SRGAP1: variants seen among roughly 807,000 people sequenced by gnomAD.
SRGAP1 encodes the protein SLIT-ROBO Rho GTPase-activating protein 1.
In SRGAP1, 43 loss-of-function variants were observed where a neutral mutation model predicts 121.9. The ratio of observed to expected loss-of-function variants is 0.35; its 90% CI spans 0.28 to 0.46. SRGAP1 has a LOEUF of 0.46. Ranked by LOEUF, SRGAP1 falls within the 20% of genes least tolerant of loss-of-function variation. SRGAP1 has a pLI of 1.00. For missense variants in SRGAP1, 1,102 were observed against 1,350.9 expected (o/e 0.82, Z 2.89); for synonymous variants, 447 against 485.4 (o/e 0.92, Z 1.04).
At chr12:63,958,552 A>G (rs553395678) in intron 1 of SRGAP1, among the ~76,000 whole-genome samples, 1 of 152,236 alleles carries the variant, frequency 6.6e-6, no homozygotes, top group Non-Finnish European at 1.5e-5. Context: ...AAGGTGAAGT[A>G]GAGCACAGAG....
intron 15 of SRGAP1, among the ~76,000 whole-genome samples, chr12:64,107,428 T>A (rs913002969): frequency 2.0e-5 from 3 of 152,216 alleles, no homozygotes; most frequent in Non-Finnish European, 2.9e-5. Flanking sequence ...AGTATTTTGA[T>A]AGTCTAAGTT....
intron 8 of SRGAP1, among the ~76,000 whole-genome samples, chr12:64,067,632 G>A (rs1170395335): frequency 6.6e-6 from 1 of 151,990 alleles, no homozygotes; most frequent in African/African-American, 2.4e-5. Flanking sequence ...TTAGATTTTC[G>A]ATAATCAGTA....
At chr12:64,024,476 A>T (rs2034612297) in intron 4 of SRGAP1, among the ~76,000 whole-genome samples, 1 of 152,098 alleles carries the variant, frequency 6.6e-6, no homozygotes, top group Admixed American at 6.5e-5. Context: ...AACAATTAGG[A>T]TATGTTCATT....
chr12:64,086,758 C>A (rs1297110306), intron 10 of SRGAP1, among the ~76,000 whole-genome samples: 1 of 147,832 alleles, frequency 6.8e-6, no homozygotes, highest in Non-Finnish European at 1.5e-5. Context: ...CCTCAAATTG[C>A]CAAGTGAAAC....
At chr12:63,989,597 G>A (rs180806968) in intron 2 of SRGAP1, among the ~76,000 whole-genome samples, 56 of 152,326 alleles carry the variant, frequency 3.7e-4, no homozygotes, top group African/African-American at 1.2e-3. Flanking sequence ...TCAATGGAGC[G>A]TTTAAAGCTG....
At chr12:63,984,265 A>T (rs934352432) in intron 2 of SRGAP1, 123 bp downstream of exon 2, 5 of 448,260 alleles carry the variant, frequency 1.1e-5, no homozygotes, top group Non-Finnish European at 1.9e-5. Flanking sequence ...ATTCTCATAA[A>T]TAAAAGCAGC....
At chr12:64,029,092 G>A (rs764537797) in intron 4 of SRGAP1, among the ~76,000 whole-genome samples, 3 of 152,178 alleles carry the variant, frequency 2.0e-5, no homozygotes, top group Non-Finnish European at 4.4e-5. Context: ...CCTGGGATGA[G>A]CCATTAGAGC....
intron 18 of SRGAP1, 52 bp downstream of exon 18, chr12:64,115,945 A>G (rs748383583): frequency 6.7e-7 from 1 of 1,490,670 alleles, no homozygotes; most frequent in South Asian, 1.2e-5. Flanking sequence ...TCCCTATTGT[A>G]AACAATTGCT....
intron 9 of SRGAP1, 129 bp from the exon 10 acceptor site, chr12:64,080,157 C>T: frequency 4.6e-6 from 3 of 648,332 alleles, no homozygotes; most frequent in South Asian, 2.0e-5. Flanking sequence ...GCAGGAGAAT[C>T]GCTTGAACCC....
chr12:63,861,129 A>T (rs1395354447), intron 1 of SRGAP1, among the ~76,000 whole-genome samples: 1 of 150,596 alleles, frequency 6.6e-6, no homozygotes, highest in Non-Finnish European at 1.5e-5. Context: ...ATATAAAAAT[A>T]AAAGGTTGTA....
Position 64,080,479 on chromosome 12 carries a change from A to T in SRGAP1, c.1408+109A>T, listed in dbSNP as rs766095143. 7 of 960,218 alleles carry T rather than the reference A, an allele frequency of 7.3e-6. No individual in the cohort carries two copies. In the Admixed American group the frequency reaches 1.4e-4, roughly 19 times the overall value. 59.5% of individuals were successfully genotyped at this position (960,218 alleles called of 1,614,324 possible). Reference sequence around the variant, plus strand: ...ATTTGTGCTTTAAGAAGCAGAGGACACTCTGTGTTTAGATTTGGTTTTGTT... The same window carrying T: ...ATTTGTGCTTTAAGAAGCAGAGGACTCTCTGTGTTTAGATTTGGTTTTGTT... On this transcript the variant is annotated intron_variant, in intron 10 of 21. Coordinates refer to ENST00000355086, the MANE Select transcript of SRGAP1 (RefSeq NM_020762.4).
chr12:64,115,580 T>C (rs777778135), intron 17 of SRGAP1, among the ~76,000 whole-genome samples: 3 of 152,040 alleles, frequency 2.0e-5, no homozygotes, highest in Non-Finnish European at 2.9e-5. Flanking sequence ...GACAAAATAA[T>C]GAGACCCTCA....
At chr12:63,913,454 C>CATATATATATAT (rs570506869) in intron 1 of SRGAP1, among the ~76,000 whole-genome samples, 7 of 124,096 alleles carry the variant, frequency 5.6e-5, no homozygotes, top group East Asian at 2.6e-4. Flanking sequence ...ACTGTGTCCA[C>CATATATATATAT]ATATATATAT....
At chr12:63,901,553 G>A (rs751327653) in intron 1 of SRGAP1, among the ~76,000 whole-genome samples, 9 of 152,156 alleles carry the variant, frequency 5.9e-5, no homozygotes, top group Non-Finnish European at 1.3e-4. Flanking sequence ...CAGCCTGAGC[G>A]CTCCATAATC....
At chr12:63,892,461 A>G (rs2136298051) in intron 1 of SRGAP1, among the ~76,000 whole-genome samples, 1 of 152,322 alleles carries the variant, frequency 6.6e-6, no homozygotes, top group East Asian at 1.9e-4. Context: ...TTCATCTCTC[A>G]CTTTTCTCTT....
chr12:64,118,840 G>C (rs1163213296), intron 18 of SRGAP1, among the ~76,000 whole-genome samples: 2 of 152,064 alleles, frequency 1.3e-5, no homozygotes, highest in African/African-American at 2.4e-5. Flanking sequence ...GCCTGCCTCA[G>C]CCTCCCTAGT....
At chr12:63,950,982 A>G (rs543263049) in intron 1 of SRGAP1, among the ~76,000 whole-genome samples, 1 of 148,026 alleles carries the variant, frequency 6.8e-6, no homozygotes, top group African/African-American at 2.5e-5. Context: ...TATGTATTAT[A>G]TGACAATTGT....
chr12:63,918,278 T>C (rs1214622888), intron 1 of SRGAP1, among the ~76,000 whole-genome samples: 1 of 152,114 alleles, frequency 6.6e-6, no homozygotes, highest in East Asian at 1.9e-4. Flanking sequence ...TTACCCTGTT[T>C]TAGAGATGAG....
intron 6 of SRGAP1, among the ~76,000 whole-genome samples, chr12:64,055,507 A>C (rs938746928): frequency 1.5e-4 from 22 of 151,530 alleles, no homozygotes; most frequent in South Asian, 4.2e-4. Flanking sequence ...AAACTACTTT[A>C]AAGTTCATAT....
Sources: allele counts gnomAD v4.1 joint callset (sites outside exome capture counted in the v4.1 genomes callset), GRCh38; gene constraint gnomAD v4.1.1; transcripts MANE v1.5; gene names NCBI Gene and HGNC (gene_info 2026-07-23, HGNC 2026-07-21).